The following PTPRD variants were observed in gnomAD, a reference collection of about 807,000 sequenced individuals.
The protein encoded by PTPRD is protein tyrosine phosphatase receptor type D, also known as receptor-type tyrosine-protein phosphatase delta.
Under a neutral mutation model 214.5 loss-of-function variants are expected in PTPRD, and 34 were observed. The ratio of observed to expected loss-of-function variants is 0.16; its 90% CI spans 0.12 to 0.21. The LOEUF (loss-of-function observed/expected upper bound fraction) is 0.21. Among genes scored for constraint, PTPRD ranks in the 10% least tolerant of loss-of-function variants. PTPRD has a pLI of 1.00. For missense variants in PTPRD, 2,545 were observed against 2,398.7 expected (o/e 1.06, Z -1.27); for synonymous variants, 1,128 against 845.7 (o/e 1.33, Z -5.79).
intron 11 of PTPRD, among the ~76,000 whole-genome samples, chr9:8,910,932 G>T (rs147386938): frequency 2.8e-4 from 43 of 152,142 alleles, no homozygotes; most frequent in African/African-American, 1.0e-3. Context: ...ACAAAACATT[G>T]CTGAAAGATA....
At chr9:9,859,223 TAGAACTAGAAGTTAATG>T (rs1565821706) in intron 5 of PTPRD, among the ~76,000 whole-genome samples, 1 of 152,218 alleles carries the variant, frequency 6.6e-6, no homozygotes, top group Non-Finnish European at 1.5e-5. Flanking sequence ...CCCAGCCATG[TAGAACTAGAAGTTAATG>T]AAACTTCTTT....
intron 10 of PTPRD, among the ~76,000 whole-genome samples, chr9:9,066,843 A>T (rs1470390462): frequency 6.6e-6 from 1 of 152,200 alleles, no homozygotes; most frequent in Non-Finnish European, 1.5e-5. Context: ...CTTAATTTTG[A>T]CCCAGTGACT....
At chr9:9,297,998 C>T (rs1953754768) in intron 9 of PTPRD, among the ~76,000 whole-genome samples, 3 of 151,602 alleles carry the variant, frequency 2.0e-5, no homozygotes, top group Admixed American at 1.3e-4. Flanking sequence ...CAATGTGTGA[C>T]ACATAGTAGA....
intron 21 of PTPRD, among the ~76,000 whole-genome samples, chr9:8,514,607 A>G (rs2097752623): frequency 6.6e-6 from 1 of 152,002 alleles, no homozygotes; most frequent in African/African-American, 2.4e-5. Flanking sequence ...GTGTTTCAGA[A>G]GTAAGTTATG....
intron 7 of PTPRD, among the ~76,000 whole-genome samples, chr9:9,602,238 T>C (rs1592721507): frequency 6.6e-6 from 1 of 152,182 alleles, no homozygotes; most frequent in South Asian, 2.1e-4. Context: ...ACTTTCAGTC[T>C]GAAAAAATAT....
At chr9:9,192,323 A>G (rs1256941942) in intron 9 of PTPRD, among the ~76,000 whole-genome samples, 1 of 152,132 alleles carries the variant, frequency 6.6e-6, no homozygotes, top group Non-Finnish European at 1.5e-5. Context: ...AAAATCTTCC[A>G]CTAGCTATCT....
At chr9:10,518,726 G>A (rs1020690122) in intron 2 of PTPRD, among the ~76,000 whole-genome samples, 3 of 151,396 alleles carry the variant, frequency 2.0e-5, no homozygotes, top group African/African-American at 7.3e-5. Flanking sequence ...TACAGACAGG[G>A]TTTTACCGTG....
chr9:9,567,673 C>G (rs1277502135), intron 8 of PTPRD, among the ~76,000 whole-genome samples: 3 of 151,908 alleles, frequency 2.0e-5, no homozygotes, highest in Non-Finnish European at 4.4e-5. Flanking sequence ...AGCAAAGAAC[C>G]ATTTCTCCTT....
chr9:9,655,562 C>A (rs192827407), intron 7 of PTPRD, among the ~76,000 whole-genome samples: 1 of 150,046 alleles, frequency 6.7e-6, no homozygotes, highest in Non-Finnish European at 1.5e-5. Flanking sequence ...AAATGAGACT[C>A]CATCTCAAAG....
At chr9:8,433,175 T>G (rs1029537060) in intron 35 of PTPRD, among the ~76,000 whole-genome samples, 9 of 152,162 alleles carry the variant, frequency 5.9e-5, no homozygotes, top group Non-Finnish European at 1.3e-4. Context: ...CTGAAGAAAT[T>G]CCCATCACCT....
At chr9:10,190,857 G>C (rs1036861309) in intron 3 of PTPRD, among the ~76,000 whole-genome samples, 1 of 152,002 alleles carries the variant, frequency 6.6e-6, no homozygotes, top group African/African-American at 2.4e-5. Context: ...TAATACACAG[G>C]GTATGGGGTT....
chr9:10,573,167 C>G (rs138954420), intron 2 of PTPRD, among the ~76,000 whole-genome samples: 1 of 152,158 alleles, frequency 6.6e-6, no homozygotes, highest in Non-Finnish European at 1.5e-5. Context: ...ACAAGATTCT[C>G]AACTCCTGAA....
At chr9:8,323,628 G>A (rs1044475047) in intron 44 of PTPRD, among the ~76,000 whole-genome samples, 1 of 152,146 alleles carries the variant, frequency 6.6e-6, no homozygotes, top group Non-Finnish European at 1.5e-5. Flanking sequence ...ACTAGAACTA[G>A]AAGTGGAGCC....
chr9:10,384,640 T>C (rs772128349), intron 2 of PTPRD, among the ~76,000 whole-genome samples: 5 of 151,418 alleles, frequency 3.3e-5, no homozygotes, highest in Non-Finnish European at 7.4e-5. Context: ...TTTTAAAAAG[T>C]GGAATTAGTT....
At chr9:9,010,505 TAAAAG>T (rs763506283) in intron 11 of PTPRD, among the ~76,000 whole-genome samples, 54 of 152,280 alleles carry the variant, frequency 3.5e-4, no homozygotes, top group Non-Finnish European at 6.3e-4. Flanking sequence ...TATTAGAAGA[TAAAAG>T]GAAAGAGGAG....
At chr9:9,595,556 G>A (rs1471615209) in intron 7 of PTPRD, among the ~76,000 whole-genome samples, 1 of 110,812 alleles carries the variant, frequency 9.0e-6, no homozygotes, top group Non-Finnish European at 2.3e-5. Context: ...GTGTTTGTGT[G>A]TGTGTGTGTG....
chr9:9,055,546 T>C (rs2099694607), intron 10 of PTPRD, among the ~76,000 whole-genome samples: 1 of 152,086 alleles, frequency 6.6e-6, no homozygotes, highest in Non-Finnish European at 1.5e-5. Context: ...TAAAATTAGC[T>C]ATCACAAGAG....
At chr9:8,802,966 T>G (rs1282787164) in intron 11 of PTPRD, among the ~76,000 whole-genome samples, 1 of 152,022 alleles carries the variant, frequency 6.6e-6, no homozygotes, top group African/African-American at 2.4e-5. Context: ...GTTAGGAGGA[T>G]CACTTGAGCC....
chr9:8,712,360 C>T (rs975954727), intron 12 of PTPRD, among the ~76,000 whole-genome samples: 3 of 151,722 alleles, frequency 2.0e-5, no homozygotes, highest in Non-Finnish European at 4.4e-5. Flanking sequence ...AATTGTGTGT[C>T]TTTAATAATG....
Sources: allele counts gnomAD v4.1 joint callset (sites outside exome capture counted in the v4.1 genomes callset), GRCh38; gene constraint gnomAD v4.1.1; transcripts MANE v1.5; gene names NCBI Gene and HGNC (gene_info 2026-07-23, HGNC 2026-07-21).